The following CDHR3 variants were observed in gnomAD, a reference collection of about 807,000 sequenced individuals.
The protein encoded by CDHR3 is cadherin-related family member 3.
In CDHR3, 79 loss-of-function variants were observed where a neutral mutation model predicts 86.6. That is an observed-to-expected ratio of 0.91 (90% CI 0.76 to 1.10). The LOEUF (loss-of-function observed/expected upper bound fraction) is 1.10, where lower values mean the gene tolerates loss of function less well. Ranked by LOEUF, CDHR3 falls within the 50% of genes least tolerant of loss-of-function variation. CDHR3 has a pLI of 0.00. For missense variants in CDHR3, 1,081 were observed against 1,077.6 expected, an observed-to-expected ratio of 1.00 and a Z score of -0.04; for synonymous variants, 421 against 402.4, an observed-to-expected ratio of 1.05 and a Z score of -0.55.
At position 106,020,051 on chromosome 7, in the gene CDHR3, G is replaced by T. The variant is rs867174878; in HGVS notation, c.1654-322G>T. ...TCCAGGTGCATGTGTGTGTGTGTGG[G>T]GGGGGGGCAAGGTATACATACACTA... On this transcript the variant is annotated intron_variant, in intron 12 of 18. Coordinates refer to ENST00000317716, the MANE Select transcript of CDHR3 (RefSeq NM_152750.5). Among the ~76,000 whole-genome samples the T allele has an allele frequency of 2.1e-3, 210 of 98,710 alleles. 1 individual carries two copies. The highest frequency in any genetic ancestry group is 7.6e-3 in the African/African-American group (197 of 25,926). 64.8% of individuals were successfully genotyped at this position (98,710 alleles called of 152,430 possible).
At chr7:106,021,237 T>C (rs1442755718) in intron 13 of CDHR3, among the ~76,000 whole-genome samples, 1 of 151,854 alleles carries the variant, frequency 6.6e-6, no homozygotes, top group East Asian at 1.9e-4. Context: ...GGGCCAGAGA[T>C]TTAAACCCAA....
intron 3 of CDHR3, 93 bp from the exon 4 acceptor site, chr7:105,984,099 G>T: frequency 1.6e-6 from 1 of 620,180 alleles, no homozygotes; most frequent in Non-Finnish European, 2.6e-6. Context: ...AACACCCTTG[G>T]TTCCCTTGGT....
intron 4 of CDHR3, among the ~76,000 whole-genome samples, chr7:105,992,555 A>G (rs535627849): frequency 6.6e-6 from 1 of 152,322 alleles, no homozygotes; most frequent in South Asian, 2.1e-4. Context: ...CTGTGGCATC[A>G]CCCAAATATT....
rs183202186 is a variant in CDHR3, at chr7:106,001,619, C to T, written c.862+9C>T. 2.0e-5 allele frequency: 33 copies of T among 1,613,750 alleles called. 1 individual carries two copies. The African/African-American group carries it at 3.1e-4, about 15-fold the overall frequency. ...TTTCATGATAAATCAGTGTAAGCCA[C>T]TCACTTCCATCCTTAAGTGCATCCT... On this transcript the variant is annotated intron_variant, in intron 7 of 18. Transcript: ENST00000317716.
chr7:105,991,679 C>T (rs1831383368), intron 4 of CDHR3, among the ~76,000 whole-genome samples: 1 of 152,096 alleles, frequency 6.6e-6, no homozygotes, highest in Admixed American at 6.5e-5. Context: ...GAATGTTGGT[C>T]TTACTAAGAT....
At position 106,035,501 on chromosome 7, in the gene CDHR3, A is replaced by G. The variant is rs932422457; in HGVS notation, c.*2804A>G. Among the ~76,000 whole-genome samples, 5 of 152,338 alleles carry G rather than the reference A, an allele frequency of 3.3e-5. No individual in the cohort carries two copies. The highest frequency in any genetic ancestry group is 1.2e-4 in the African/African-American group (5 of 41,584). ...AAGAATGGAACAAAATGCCCAGCAA[A>G]GCAGAGAAAGAATGAGGCAACGAAA... On this transcript the variant is annotated 3_prime_UTR_variant, in exon 19 of 19. Transcript: ENST00000317716.
At chr7:105,996,810 GTTTC>G (rs2115762336) in intron 6 of CDHR3, among the ~76,000 whole-genome samples, 1 of 152,268 alleles carries the variant, frequency 6.6e-6, no homozygotes, top group African/African-American at 2.4e-5. Context: ...CTGCTCTAAA[GTTTC>G]TTCCTGCCAT....
chr7:105,985,850 CTT>C (rs1423596038), intron 4 of CDHR3, among the ~76,000 whole-genome samples: 4 of 152,312 alleles, frequency 2.6e-5, no homozygotes, highest in African/African-American at 9.6e-5. Flanking sequence ...AATAACAAAA[CTT>C]AACCATGGGC....
chr7:105,982,481 GA>G lies in CDHR3; in HGVS notation c.415+1362del, dbSNP rs1224349907. Among the ~76,000 whole-genome samples, 221 of 108,380 alleles carry G rather than the reference GA, an allele frequency of 2.0e-3. 1 individual carries two copies. Among genetic ancestry groups the G allele is most frequent in the Middle Eastern group, 4.5e-3 (1 of 220 alleles). The allele number at this position is 108,380 out of a possible 152,430, so 71.1% of individuals were successfully genotyped here. A position where few individuals can be genotyped will look rare whatever the true frequency, so the allele number is the denominator to read the frequency against. On this transcript the variant is annotated intron_variant, in intron 3 of 18. Coordinates refer to ENST00000317716, the MANE Select transcript of CDHR3 (RefSeq NM_152750.5). ...GAGACTCTGTCTCAAAAAAAAAAAAGAAAAAAAAAAAAAAGAACCAATTAAA... is the reference window on the plus strand; with the variant it reads ...GAGACTCTGTCTCAAAAAAAAAAAAGAAAAAAAAAAAAAGAACCAATTAAA...
intron 10 of CDHR3, 33 bp from the exon 11 acceptor site, chr7:106,015,894 T>A (rs1427956383): frequency 1.4e-6 from 2 of 1,395,704 alleles, no homozygotes; most frequent in Non-Finnish European, 1.0e-6. Flanking sequence ...AGTATGGATT[T>A]GTGATTAAAT....
At chr7:106,001,318 C>T in intron 6 of CDHR3, 144 bp from the exon 7 acceptor site, 1 of 774,990 alleles carries the variant, frequency 1.3e-6, no homozygotes, top group Non-Finnish European at 2.0e-6. Flanking sequence ...CCCTCCTTTC[C>T]ACTGCTGTGC....
chr7:105,963,979 T>C (rs1251874143), intron 1 of CDHR3, among the ~76,000 whole-genome samples: 1 of 152,204 alleles, frequency 6.6e-6, no homozygotes, highest in African/African-American at 2.4e-5. Flanking sequence ...AGGTAGTATA[T>C]GCATAATATA....
At chr7:106,003,284 G>A (rs1348435703) in intron 7 of CDHR3, among the ~76,000 whole-genome samples, 1 of 152,176 alleles carries the variant, frequency 6.6e-6, no homozygotes, top group African/African-American at 2.4e-5. Context: ...CATGTGACTA[G>A]TGGTAACTGT....
chr7:105,974,755 G>T (rs903381797), intron 1 of CDHR3, 89 bp from the exon 2 acceptor site: 9 of 1,002,518 alleles, frequency 9.0e-6, no homozygotes, highest in African/African-American at 1.6e-5. Context: ...CCTGAGCTAC[G>T]AATTGAAGCC....
Position 106,032,525 on chromosome 7 carries a change from G to C in CDHR3, c.2486G>C (p.Gly829Ala), listed in dbSNP as rs781141735. 1.2e-6 allele frequency: 2 copies of C among 1,613,884 alleles called. No individual in the cohort carries two copies. The highest frequency in any genetic ancestry group is 2.7e-5 in the African/African-American group (2 of 74,906). The change falls in exon 19 of 19, where the codon GGG becomes GCG. Residue 829 changes from glycine (G) to alanine (A), a missense_variant. By Grantham distance (60) the Gly-to-Ala change is moderately conservative. Transcript: ENST00000317716. ...AAPRRVTAGE[G>A]MGSLRSANWE... ...CCACGCAGAGTCACTGCTGGGGAAG[G>C]GATGGGGTCACTGAGAAGTGCCAAC...
intron 4 of CDHR3, among the ~76,000 whole-genome samples, chr7:105,987,447 T>C (rs1013019660): frequency 2.6e-5 from 4 of 152,206 alleles, no homozygotes; most frequent in Admixed American, 6.5e-5. Context: ...GTTTAGGACA[T>C]AACATATTAT....
In CDHR3 at chr7:105,975,160, C is replaced by G; in HGVS notation, c.249+114C>G. The stretch of plus-strand genomic sequence containing the variant: ...TCCTCCATCTGGTTTAATCTTCCCT[C>G]TTGTAAGGTCCAGGAGTCCTGTCTG... On this transcript the variant is annotated intron_variant, in intron 2 of 18. Coordinates refer to ENST00000317716, the MANE Select transcript of CDHR3 (RefSeq NM_152750.5). 3.2e-6 allele frequency: 3 copies of G among 939,080 alleles called. No individual in the cohort carries two copies. In the South Asian group the frequency reaches 4.3e-5, roughly 13 times the overall value. The allele number at this position is 939,080 out of a possible 1,614,324, so 58.2% of individuals were successfully genotyped here.
chr7:106,014,986 C>T (rs1047122580), intron 9 of CDHR3, 125 bp from the exon 10 acceptor site: 10 of 676,570 alleles, frequency 1.5e-5, no homozygotes, highest in South Asian at 2.2e-5. Flanking sequence ...TTTTTATGGG[C>T]AAAGTGTTTG....
chr7:105,965,421 C>A (rs1362035536), intron 1 of CDHR3, among the ~76,000 whole-genome samples: 1 of 152,204 alleles, frequency 6.6e-6, no homozygotes, highest in Non-Finnish European at 1.5e-5. Context: ...TTGCAGTGAG[C>A]TGAGATTGCG....
Sources: allele counts gnomAD v4.1 joint callset (sites outside exome capture counted in the v4.1 genomes callset), GRCh38; gene constraint gnomAD v4.1.1; transcripts MANE v1.5; gene names NCBI Gene and HGNC (gene_info 2026-07-23, HGNC 2026-07-21).